CUL3: variants seen among roughly 807,000 people sequenced by gnomAD.
CUL3 encodes cullin-3.
Under a neutral mutation model 89.1 loss-of-function variants are expected in CUL3, and 19 were observed. The observed-to-expected ratio is 0.21, with a 90% CI of 0.15 to 0.31. The LOEUF (loss-of-function observed/expected upper bound fraction) is 0.31, where lower values mean the gene tolerates loss of function less well. Ranked by LOEUF, CUL3 falls within the 10% of genes least tolerant of loss-of-function variation. The pLI is 1.00. For synonymous variants in CUL3, 351 were observed against 308.4 expected, an observed-to-expected ratio of 1.14 and a Z score of -1.45; for missense variants, 469 against 942.3, an observed-to-expected ratio of 0.50 and a Z score of 6.58.
At chr2:224,491,765 A>G (rs919275982) in intron 13 of CUL3, among the ~76,000 whole-genome samples, 4 of 152,148 alleles carry the variant, frequency 2.6e-5, no homozygotes, top group African/African-American at 7.2e-5. Context: ...CCCCACTTTT[A>G]TAAGGAATGA....
chr2:224,530,000 A>T (rs915191562), intron 3 of CUL3, among the ~76,000 whole-genome samples: 1 of 152,130 alleles, frequency 6.6e-6, no homozygotes, highest in African/African-American at 2.4e-5. Context: ...GCACTTTGGG[A>T]GGCCAAGGCG....
intron 1 of CUL3, among the ~76,000 whole-genome samples, chr2:224,580,268 C>T (rs545782103): frequency 1.3e-5 from 2 of 152,320 alleles, no homozygotes; most frequent in African/African-American, 2.4e-5. Context: ...AATACAGAAA[C>T]GTCCTTATTG....
chr2:224,470,619 CTT>C lies in CUL3; in HGVS notation c.*3624_*3625del. 4.3e-6 allele frequency: 1 copy of C among 231,952 alleles called. No individual in the cohort carries two copies. Among genetic ancestry groups the C allele is most frequent in the Non-Finnish European group, 8.5e-6 (1 of 117,260 alleles). 14.4% of individuals were successfully genotyped at this position (231,952 alleles called of 1,614,324 possible). Reference sequence around the variant, plus strand: ...GGTACATGCCTATCTGTGGTACCCACTTAAGTATGTAAAACTTTCTCTAAGAT... The same window carrying C: ...GGTACATGCCTATCTGTGGTACCCACAAGTATGTAAAACTTTCTCTAAGAT... On this transcript the variant is annotated 3_prime_UTR_variant, in exon 16 of 16. Coordinates refer to ENST00000264414, the MANE Select transcript of CUL3 (RefSeq NM_003590.5).
Position 224,472,474 on chromosome 2 carries a change from T to A in CUL3, c.*1771A>T, listed in dbSNP as rs947399928. The A allele has an allele frequency of 5.2e-6, 1 of 193,132 alleles. No individual in the cohort carries two copies. The highest frequency in any genetic ancestry group is 1.1e-5 in the Non-Finnish European group (1 of 92,680). 12.0% of individuals were successfully genotyped at this position (193,132 alleles called of 1,614,324 possible). A position where few individuals can be genotyped will look rare whatever the true frequency, so the allele number is the denominator to read the frequency against. ...TTACTTTCCTATAAACATCTTACCA[T>A]TATAGAAAATTTCCAATTATGTCAA... On this transcript the variant is annotated 3_prime_UTR_variant, in exon 16 of 16. Transcript: ENST00000264414.
At chr2:224,559,013 G>A (rs1278058957) in intron 1 of CUL3, among the ~76,000 whole-genome samples, 6 of 150,764 alleles carry the variant, frequency 4.0e-5, no homozygotes, top group African/African-American at 1.5e-4. Flanking sequence ...CCAAGATCCC[G>A]CCACTGCACT....
At chr2:224,495,641 A>G (rs1004378334) in intron 13 of CUL3, 191 bp downstream of exon 13, 3 of 437,060 alleles carry the variant, frequency 6.9e-6, no homozygotes, top group African/African-American at 6.1e-5. Context: ...GTACTTCTAT[A>G]AAGTTAATTT....
intron 1 of CUL3, among the ~76,000 whole-genome samples, chr2:224,560,085 A>G (rs1241303215): frequency 6.6e-6 from 1 of 152,152 alleles, no homozygotes. Context: ...CCTGTCTCAA[A>G]AAAGAAGAAG....
chr2:224,478,633 G>T (rs911699596), intron 14 of CUL3: 32 of 256,828 alleles, frequency 1.2e-4, no homozygotes, highest in Admixed American at 2.0e-4. Flanking sequence ...AAAATATTCA[G>T]TAGTAAAATT....
At chr2:224,508,457 C>A (rs530571806) in intron 6 of CUL3, among the ~76,000 whole-genome samples, 71 of 152,286 alleles carry the variant, frequency 4.7e-4, no homozygotes, top group African/African-American at 1.6e-3. Flanking sequence ...ACACCAAATA[C>A]TTCTAACAAA....
intron 12 of CUL3, among the ~76,000 whole-genome samples, chr2:224,496,690 T>C (rs1441693213): frequency 1.3e-5 from 2 of 151,502 alleles, no homozygotes; most frequent in African/African-American, 4.8e-5. Context: ...AAAAATAGCA[T>C]AGCATAGCAT....
At chr2:224,542,083 CCT>C (rs1195874220) in intron 2 of CUL3, among the ~76,000 whole-genome samples, 1 of 151,954 alleles carries the variant, frequency 6.6e-6, no homozygotes, top group Non-Finnish European at 1.5e-5. Context: ...AAAATTGGGC[CCT>C]GTTTCCTTAT....
At chr2:224,545,495 G>A (rs1371322034) in intron 2 of CUL3, among the ~76,000 whole-genome samples, 1 of 152,068 alleles carries the variant, frequency 6.6e-6, no homozygotes, top group Non-Finnish European at 1.5e-5. Flanking sequence ...CATTCTCAGT[G>A]GAAATATTCC....
At chr2:224,525,526 A>G (rs1319973316) in intron 3 of CUL3, among the ~76,000 whole-genome samples, 1 of 152,222 alleles carries the variant, frequency 6.6e-6, no homozygotes, top group Non-Finnish European at 1.5e-5. Context: ...ATGTATTTGG[A>G]AAAACATTTA....
intron 3 of CUL3, among the ~76,000 whole-genome samples, chr2:224,526,200 A>T (rs1693466434): frequency 6.6e-6 from 1 of 152,240 alleles, no homozygotes; most frequent in Non-Finnish European, 1.5e-5. Flanking sequence ...AATTCACATT[A>T]AACATTCTTC....
Position 224,564,164 on chromosome 2 carries a change from TA to T in CUL3, c.67-6309del, listed in dbSNP as rs201339420. The stretch of plus-strand genomic sequence containing the variant: ...AGATGAGTGCAGTGGCACACACCTG[TA>T]ATCTCAGCTACTTGGGAGGCTAGGG... On this transcript the variant is annotated intron_variant, in intron 1 of 15. Transcript: ENST00000264414. Among the ~76,000 whole-genome samples the T allele has an allele frequency of 7.5e-3, 1,149 of 152,292 alleles. 10 individuals carry two copies. Among genetic ancestry groups the T allele is most frequent in the Middle Eastern group, 0.014 (4 of 294 alleles).
At chr2:224,581,419 A>G (rs1280870540) in intron 1 of CUL3, among the ~76,000 whole-genome samples, 3 of 151,290 alleles carry the variant, frequency 2.0e-5, no homozygotes, top group Non-Finnish European at 4.4e-5. Context: ...AGAGGTGATT[A>G]TGTGTTAGCT....
intron 1 of CUL3, among the ~76,000 whole-genome samples, chr2:224,568,856 C>A (rs937695025): frequency 6.6e-6 from 1 of 152,096 alleles, no homozygotes; most frequent in Non-Finnish European, 1.5e-5. Context: ...TACACATGAT[C>A]GGGTCTTGGC....
chr2:224,555,545 C>A (rs1363768614), intron 2 of CUL3, among the ~76,000 whole-genome samples: 2 of 152,096 alleles, frequency 1.3e-5, no homozygotes, highest in Non-Finnish European at 1.5e-5. Flanking sequence ...CAGTTTAGTC[C>A]AAATTACTTA....
chr2:224,573,384 T>C (rs985959919), intron 1 of CUL3, among the ~76,000 whole-genome samples: 9 of 152,262 alleles, frequency 5.9e-5, no homozygotes, highest in Non-Finnish European at 1.2e-4. Flanking sequence ...TTACAGGTTA[T>C]GCTTTTGACT....
Sources: gnomAD v4.1 joint callset for allele counts (sites outside exome capture counted in the v4.1 genomes callset) on GRCh38, gnomAD v4.1.1 for gene constraint, MANE v1.5 for transcripts, NCBI Gene and HGNC (gene_info 2026-07-23, HGNC 2026-07-21) for gene names.